The following KCNQ1 variants were observed in gnomAD, a reference collection of about 807,000 sequenced individuals.
KCNQ1 encodes the protein potassium voltage-gated channel subfamily Q member 1, also known as potassium voltage-gated channel subfamily KQT member 1.
In KCNQ1, 49 loss-of-function variants were observed where a neutral mutation model predicts 72.4. The observed-to-expected ratio is 0.68, with a 90% CI of 0.54 to 0.86. The LOEUF is 0.86. Ranked by LOEUF, KCNQ1 falls within the 40% of genes least tolerant of loss-of-function variation. KCNQ1 has a pLI of 0.00. For synonymous variants in KCNQ1, 450 were observed against 412.6 expected (o/e 1.09, Z -1.10); for missense variants, 790 against 945.1 (o/e 0.84, Z 2.15).
intron 11 of KCNQ1, chr11:2,692,249 C>T (rs1850600404): frequency 7.5e-6 from 3 of 398,946 alleles, no homozygotes; most frequent in Non-Finnish European, 8.8e-6. Context: ...AAGCCCATCA[C>T]CAAGCCAGGC....
rs1247097823 is a variant in KCNQ1, at chr11:2,599,220, A to G, written c.1393+10366A>G. ...AATGAAATAAAATACATGTGACATA[A>G]TGAAGGCATTATCATTGTTTTCCAA... On this transcript the variant is annotated intron_variant, in intron 10 of 15. Transcript: ENST00000155840. This position sits in a 1 kb window ranked among gnomAD's most constrained non-coding sequence, Gnocchi z 4.7. Among the ~76,000 whole-genome samples the G allele has an allele frequency of 3.3e-5, 5 of 152,220 alleles. No individual in the cohort carries two copies. Among genetic ancestry groups the G allele is most frequent in the African/African-American group, 1.2e-4 (5 of 41,450 alleles).
In KCNQ1 at chr11:2,734,536, T is replaced by C. The variant is rs1335163657; in HGVS notation, c.1515-34308T>C. Among the ~76,000 whole-genome samples, 1 of 151,858 alleles carries C rather than the reference T, an allele frequency of 6.6e-6. No homozygotes were observed. Among genetic ancestry groups the C allele is most frequent in the Non-Finnish European group, 1.5e-5 (1 of 67,970 alleles). ...ACGGGCCCCTTGGCTGAGAGCCAGATGTGGGGAGCGGGGCTGTCGAGGCTG... is the reference window on the plus strand; with the variant it reads ...ACGGGCCCCTTGGCTGAGAGCCAGACGTGGGGAGCGGGGCTGTCGAGGCTG... On this transcript the variant is annotated intron_variant, in intron 11 of 15. Coordinates refer to ENST00000155840, the MANE Select transcript of KCNQ1 (RefSeq NM_000218.3). The surrounding 1 kb of genome is among the most constrained non-coding windows in gnomAD (Gnocchi z 7.0).
intron 11 of KCNQ1, among the ~76,000 whole-genome samples, chr11:2,705,688 C>T (rs1362533025): frequency 6.6e-6 from 1 of 152,210 alleles, no homozygotes; most frequent in Non-Finnish European, 1.5e-5. Context: ...GGGCCCAGGC[C>T]TTTGAGGACA....
In KCNQ1 at chr11:2,717,352, G is replaced by A. The variant is rs141866679; in HGVS notation, c.1515-51492G>A. Among the ~76,000 whole-genome samples, 450 of 152,256 alleles carry A rather than the reference G, an allele frequency of 3.0e-3. 3 individuals are homozygous for A. The highest frequency in any genetic ancestry group is 0.01 in the African/African-American group (430 of 41,538). Reference sequence around the variant, plus strand: ...CAGGCCCTCCCAGGCTTCTGTGATCGCAGCCCACACCTCTGCGCACAGTAT... The same window carrying A: ...CAGGCCCTCCCAGGCTTCTGTGATCACAGCCCACACCTCTGCGCACAGTAT... On this transcript the variant is annotated intron_variant, in intron 11 of 15. Transcript: ENST00000155840.
rs1848251135 is a variant in KCNQ1, at chr11:2,566,567, T to C, written c.478-4061T>C. On this transcript the variant is annotated intron_variant, in intron 2 of 15. Transcript: ENST00000155840. This position sits in a 1 kb window ranked among gnomAD's most constrained non-coding sequence, Gnocchi z 6.7. ...CCCAGATCTGAGGCCCTTTTGTCCA[T>C]GAAGCCATCTGCAGCCAGGAGGCGG... Among the ~76,000 whole-genome samples the C allele has an allele frequency of 6.6e-6, 1 of 150,414 alleles. No individual in the cohort carries two copies. The highest frequency in any genetic ancestry group is 6.6e-5 in the Admixed American group (1 of 15,214).
At position 2,451,763 on chromosome 11, in the gene KCNQ1, C is replaced by T. The variant is rs947882604; in HGVS notation, c.386+6279C>T. On this transcript the variant is annotated intron_variant, in intron 1 of 15. Transcript: ENST00000155840. The surrounding 1 kb of genome is among the most constrained non-coding windows in gnomAD (Gnocchi z 6.4). ...GGGGCCTGGGCTCTGCTCCCCATTT[C>T]GCTCCTCCACTCACAGATGAGGACA... 4.6e-5 allele frequency among the ~76,000 whole-genome samples: 7 copies of T among 152,164 alleles called. No individual in the cohort carries two copies. The highest frequency in any genetic ancestry group is 8.8e-5 in the Non-Finnish European group (6 of 68,022).
intron 2 of KCNQ1, among the ~76,000 whole-genome samples, chr11:2,534,363 A>G (rs1847693300): frequency 6.6e-6 from 1 of 152,170 alleles, no homozygotes; most frequent in African/African-American, 2.4e-5. Flanking sequence ...CCGCAGCACC[A>G]TTTCTGCCGC....
intron 11 of KCNQ1, chr11:2,681,366 T>A: frequency 2.5e-6 from 1 of 398,438 alleles, no homozygotes; most frequent in East Asian, 3.6e-5. Context: ...GCTCACTCCA[T>A]GTGGAGGATG....
At chr11:2,574,497 C>T (rs1314852173) in intron 6 of KCNQ1, among the ~76,000 whole-genome samples, 2 of 152,156 alleles carry the variant, frequency 1.3e-5, no homozygotes, top group Non-Finnish European at 2.9e-5. Context: ...CCGTGGGAAA[C>T]ACGTGGTGGT....
At chr11:2,585,113 C>T in intron 7 of KCNQ1, 99 bp from the exon 8 acceptor site, 1 of 1,073,782 alleles carries the variant, frequency 9.3e-7, no homozygotes. Context: ...CTGACCATAC[C>T]TGGCCTTCCC....
At chr11:2,700,017 C>T (rs1176937639) in intron 11 of KCNQ1, 1 of 398,110 alleles carries the variant, frequency 2.5e-6, no homozygotes, top group Non-Finnish European at 4.4e-6. Context: ...CGGCAGCGCT[C>T]CGACTGCCCC....
chr11:2,667,091 A>G (rs927904485), intron 11 of KCNQ1: 2 of 398,530 alleles, frequency 5.0e-6, no homozygotes, highest in Non-Finnish European at 8.8e-6. Flanking sequence ...ATGTTCTTCT[A>G]ATTAAATTAA....
In KCNQ1 at chr11:2,488,701, C is replaced by T. The variant is rs995097020; in HGVS notation, c.387-39227C>T. ...TTCTGTAGAATTGATAGTCATGTCC[C>T]TATTTTCACTTCTGATTTCAGTAGT... On this transcript the variant is annotated intron_variant, in intron 1 of 15. Transcript: ENST00000155840. This position sits in a 1 kb window ranked among gnomAD's most constrained non-coding sequence, Gnocchi z 5.1. Among the ~76,000 whole-genome samples, 1 of 152,154 alleles carries T rather than the reference C, an allele frequency of 6.6e-6. No homozygotes were observed. Among genetic ancestry groups the T allele is most frequent in the Non-Finnish European group, 1.5e-5 (1 of 68,034 alleles).
At chr11:2,490,030 G>A (rs1440169772) in intron 1 of KCNQ1, among the ~76,000 whole-genome samples, 1 of 152,204 alleles carries the variant, frequency 6.6e-6, no homozygotes, top group African/African-American at 2.4e-5. Context: ...TAGGCCAGAA[G>A]GGAGCCCACT....
chr11:2,452,142 CTGCTAAGG>C (rs1265671059), intron 1 of KCNQ1, among the ~76,000 whole-genome samples: 3 of 152,136 alleles, frequency 2.0e-5, no homozygotes, highest in African/African-American at 7.2e-5. Flanking sequence ...CCCTCCATAT[CTGCTAAGG>C]TGCACACCTT....
chr11:2,631,590 A>T, intron 10 of KCNQ1: 1 of 398,548 alleles, frequency 2.5e-6, no homozygotes, highest in Non-Finnish European at 4.4e-6. Context: ...CTTGGGAGTC[A>T]GTCCCTGAAA....
intron 2 of KCNQ1, among the ~76,000 whole-genome samples, chr11:2,530,767 G>A (rs1847608535): frequency 6.6e-6 from 1 of 152,182 alleles, no homozygotes; most frequent in African/African-American, 2.4e-5. Flanking sequence ...GCACATTGTA[G>A]TGTGCGCCTG....
At chr11:2,583,680 A>G (rs947906337) in intron 7 of KCNQ1, 135 bp downstream of exon 7, 1 of 727,404 alleles carries the variant, frequency 1.4e-6, no homozygotes, top group African/African-American at 1.7e-5. Flanking sequence ...AAGGTGCTAT[A>G]CTCCAGAGCC....
chr11:2,730,096 C>G (rs192538946), intron 11 of KCNQ1, among the ~76,000 whole-genome samples: 1 of 151,928 alleles, frequency 6.6e-6, no homozygotes, highest in African/African-American at 2.4e-5. Flanking sequence ...GTGTGGTTGG[C>G]GCAGATGGCA....
Sources: gnomAD v4.1 joint callset for allele counts (sites outside exome capture counted in the v4.1 genomes callset) on GRCh38, gnomAD v4.1.1 for gene constraint, Gnocchi (gnomAD v3.1) non-coding constraint, MANE v1.5 for transcripts, NCBI Gene and HGNC (gene_info 2026-07-23, HGNC 2026-07-21) for gene names.